Variants in WNT3 observed in about 807,000 individuals in gnomAD.
WNT3 encodes proto-oncogene Wnt-3.
In WNT3, 7 loss-of-function variants were observed where a neutral mutation model predicts 34.2. The ratio of observed to expected loss-of-function variants is 0.20; its 90% confidence interval spans 0.12 to 0.38. The LOEUF is 0.38. Ranked by LOEUF, WNT3 falls within the 10% of genes least tolerant of loss-of-function variation. The probability of loss-of-function intolerance (pLI) is 1.00; values close to 1 mark genes in which losing one functional copy is unlikely to be tolerated. For missense variants in WNT3, 267 were observed against 499.8 expected, an observed-to-expected ratio of 0.53 and a Z score of 4.44; for synonymous variants, 212 against 211.5, an observed-to-expected ratio of 1.00 and a Z score of -0.02.
chr17:46,797,371 A>C (rs185963217), intron 1 of WNT3, among the ~76,000 whole-genome samples: 26 of 152,296 alleles, frequency 1.7e-4, no homozygotes, highest in South Asian at 8.3e-4. Context: ...CTGGGTTTTG[A>C]AAAATCCTGG....
At chr17:46,783,243 G>T (rs1395937626) in intron 1 of WNT3, among the ~76,000 whole-genome samples, 1 of 152,216 alleles carries the variant, frequency 6.6e-6, no homozygotes, top group Admixed American at 6.5e-5. Context: ...GCAGCTGCCC[G>T]GGCTCTAAGC....
chr17:46,809,738 G>A (rs990372801), intron 1 of WNT3, among the ~76,000 whole-genome samples: 1 of 152,184 alleles, frequency 6.6e-6, no homozygotes, highest in African/African-American at 2.4e-5. Context: ...GGATAACCAA[G>A]CCCCATGCCC....
chr17:46,785,601 G>A (rs2059497113), intron 1 of WNT3, among the ~76,000 whole-genome samples: 3 of 152,252 alleles, frequency 2.0e-5, no homozygotes, highest in Admixed American at 1.3e-4. Context: ...CGCAGCTTCT[G>A]AAGGTTCCCT....
intron 1 of WNT3, among the ~76,000 whole-genome samples, chr17:46,793,271 CT>C (rs1481541366): frequency 1.2e-4 from 2 of 16,758 alleles, no homozygotes; most frequent in Non-Finnish European, 3.0e-4. Context: ...GAGACCCTGT[CT>C]AAAAAAAAAA....
intron 1 of WNT3, among the ~76,000 whole-genome samples, chr17:46,817,655 G>A (rs186579433): frequency 2.4e-4 from 35 of 145,984 alleles, no homozygotes; most frequent in African/African-American, 7.4e-4. Flanking sequence ...CACTGCTCCC[G>A]GCTTCCCAGT....
At chr17:46,797,793 T>G (rs1443833087) in intron 1 of WNT3, among the ~76,000 whole-genome samples, 1 of 152,156 alleles carries the variant, frequency 6.6e-6, no homozygotes, top group African/African-American at 2.4e-5. Context: ...CAGGAACAGT[T>G]TGAAACTTAG....
chr17:46,767,779 T>TTTTGTTTG (rs200353370), intron 4 of WNT3, among the ~76,000 whole-genome samples: 52 of 152,158 alleles, frequency 3.4e-4, no homozygotes, highest in African/African-American at 1.0e-3. Context: ...TTTTGTTTTT[T>TTTTGTTTG]TTTGTTTGTT....
At position 46,802,252 on chromosome 17, in the gene WNT3, G is replaced by A. The variant is rs117892601; in HGVS notation, c.80+16266C>T. 6.2e-3 allele frequency among the ~76,000 whole-genome samples: 942 copies of A among 152,098 alleles called. 6 individuals are homozygous for A. Among genetic ancestry groups the A allele is most frequent in the Middle Eastern group, 0.014 (4 of 294 alleles). On this transcript the variant is annotated intron_variant, in intron 1 of 4. Coordinates refer to ENST00000225512, the MANE Select transcript of WNT3 (RefSeq NM_030753.5). ...CCAAAAGACCCAGGCAGGATTAAAG[G>A]GTTGGACTTTCTTTTCTTTTATTTA...
At chr17:46,806,496 A>C (rs2084199319) in intron 1 of WNT3, among the ~76,000 whole-genome samples, 1 of 152,142 alleles carries the variant, frequency 6.6e-6, no homozygotes, top group African/African-American at 2.4e-5. Flanking sequence ...GGCGTGAGCC[A>C]CCGCGCCCAG....
chr17:46,801,573 T>G (rs1400780977), intron 1 of WNT3, among the ~76,000 whole-genome samples: 15 of 124,294 alleles, frequency 1.2e-4, no homozygotes, highest in Admixed American at 1.2e-3. Context: ...TGAGCTGTGA[T>G]TGCGCCATTA....
intron 3 of WNT3, among the ~76,000 whole-genome samples, chr17:46,769,409 A>T (rs2059343596): frequency 6.6e-6 from 1 of 152,064 alleles, no homozygotes; most frequent in Non-Finnish European, 1.5e-5. Context: ...ACTTAACGTG[A>T]CTCACCCTAG....
At chr17:46,794,705 C>T (rs2084030225) in intron 1 of WNT3, among the ~76,000 whole-genome samples, 1 of 151,958 alleles carries the variant, frequency 6.6e-6, no homozygotes, top group Non-Finnish European at 1.5e-5. Flanking sequence ...TCTCGACCTC[C>T]TTCCACCAGC....
chr17:46,810,186 T>G (rs372499995), intron 1 of WNT3, among the ~76,000 whole-genome samples: 2 of 152,118 alleles, frequency 1.3e-5, no homozygotes, highest in South Asian at 2.1e-4. Flanking sequence ...TTTTGTATTT[T>G]TAGTAGAGAC....
intron 1 of WNT3, among the ~76,000 whole-genome samples, chr17:46,817,240 G>A (rs1212932475): frequency 6.6e-6 from 1 of 152,176 alleles, no homozygotes; most frequent in Non-Finnish European, 1.5e-5. Context: ...CCTGGACTCT[G>A]GGTTGGCGAA....
chr17:46,778,242 C>T (rs1336977036), intron 1 of WNT3, among the ~76,000 whole-genome samples: 2 of 152,200 alleles, frequency 1.3e-5, no homozygotes, highest in Admixed American at 6.5e-5. Flanking sequence ...CTATCCAACA[C>T]TGGAAAGGAT....
At chr17:46,773,590 G>T (rs1003268233) in intron 2 of WNT3, 78 bp downstream of exon 2, 2 of 1,447,272 alleles carry the variant, frequency 1.4e-6, no homozygotes, top group South Asian at 1.4e-5. Flanking sequence ...GAGGCACCCT[G>T]ACTGGGGTGG....
In WNT3 at chr17:46,773,837, C is replaced by A; in HGVS notation, c.153G>T (p.Leu51=). ...GGCAGAAGCGCAGTTGCTTGGGGACCAGGCCTGGGATGGAGCCGCAGAGCA... is the reference window on the plus strand; with the variant it reads ...GGCAGAAGCGCAGTTGCTTGGGGACAAGGCCTGGGATGGAGCCGCAGAGCA... ...QPLLCGSIPG[L]VPKQLRFCRN... The change falls in exon 2 of 5, where the codon CTG becomes CTT. Residue 51 remains leucine (L), a synonymous_variant. Transcript: ENST00000225512. 1.2e-6 allele frequency: 2 copies of A among 1,613,288 alleles called. No individual in the cohort carries two copies. Among genetic ancestry groups the A allele is most frequent in the Non-Finnish European group, 1.7e-6 (2 of 1,180,012 alleles).
intron 1 of WNT3, among the ~76,000 whole-genome samples, chr17:46,810,661 C>T (rs541185774): frequency 6.6e-4 from 101 of 152,204 alleles, no homozygotes; most frequent in African/African-American, 2.2e-3. Flanking sequence ...CTGCACCCCC[C>T]ACCCTTCCCT....
chr17:46,779,053 T>TCACACACA (rs56965619), intron 1 of WNT3, among the ~76,000 whole-genome samples: 8,330 of 100,384 alleles, frequency 0.083, 536 homozygotes, highest in African/African-American at 0.095. Context: ...CCCTACCCCA[T>TCACACACA]CACACACACA....
Sources: gnomAD v4.1 joint callset for allele counts (sites outside exome capture counted in the v4.1 genomes callset) on GRCh38, gnomAD v4.1.1 for gene constraint, MANE v1.5 for transcripts, NCBI Gene and HGNC (gene_info 2026-07-23, HGNC 2026-07-21) for gene names.